RSRC1: variants seen among roughly 807,000 people sequenced by gnomAD.
The protein encoded by RSRC1 is serine/Arginine-related protein 53.
In RSRC1, 39 loss-of-function variants were observed where a neutral mutation model predicts 49.1. That is an observed-to-expected ratio of 0.79 (90% CI 0.61 to 1.04). The LOEUF (loss-of-function observed/expected upper bound fraction) is 1.04. RSRC1 is among the 50% of genes least tolerant of loss of function. RSRC1 has a pLI of 0.00. For synonymous variants in RSRC1, 143 were observed against 130.8 expected (o/e 1.09, Z -0.63); for missense variants, 388 against 402.4 (o/e 0.96, Z 0.31).
intron 4 of RSRC1, among the ~76,000 whole-genome samples, chr3:158,252,714 T>C (rs1158609921): frequency 1.3e-5 from 2 of 152,222 alleles, no homozygotes; most frequent in Non-Finnish European, 2.9e-5. Context: ...CATTGAGTCA[T>C]GGGCTTTTCT....
At chr3:158,175,128 T>C (rs1056229683) in intron 3 of RSRC1, among the ~76,000 whole-genome samples, 7 of 152,164 alleles carry the variant, frequency 4.6e-5, no homozygotes, top group African/African-American at 1.7e-4. Context: ...TTTTATGAAA[T>C]GCTTGTTTAG....
chr3:158,319,944 T>A (rs1728669715), intron 5 of RSRC1, among the ~76,000 whole-genome samples: 1 of 152,228 alleles, frequency 6.6e-6, no homozygotes, highest in Non-Finnish European at 1.5e-5. Context: ...GTTACAAGTT[T>A]ATAGTTTCAA....
intron 5 of RSRC1, 86 bp downstream of exon 5, chr3:158,298,161 T>G (rs763446948): frequency 3.0e-6 from 3 of 1,006,774 alleles, no homozygotes; most frequent in Non-Finnish European, 4.7e-6. Context: ...TTTGAATACT[T>G]TGTATTGAGA....
At chr3:158,168,039 A>C (rs1718642475) in intron 3 of RSRC1, among the ~76,000 whole-genome samples, 1 of 138,574 alleles carries the variant, frequency 7.2e-6, no homozygotes, top group Non-Finnish European at 1.5e-5. Flanking sequence ...TGGGTTTAGC[A>C]AAGTCAGATT....
intron 7 of RSRC1, among the ~76,000 whole-genome samples, chr3:158,480,572 C>T (rs1335266121): frequency 6.6e-6 from 1 of 151,818 alleles, no homozygotes; most frequent in Non-Finnish European, 1.5e-5. Context: ...ACATCATGGC[C>T]CGCATATCAG....
At chr3:158,470,816 G>A (rs974816740) in intron 7 of RSRC1, among the ~76,000 whole-genome samples, 1 of 151,866 alleles carries the variant, frequency 6.6e-6, no homozygotes, top group Non-Finnish European at 1.5e-5. Flanking sequence ...CATCTCCAAC[G>A]CCAAGAAAAA....
At chr3:158,148,646 G>A (rs751710577) in intron 3 of RSRC1, among the ~76,000 whole-genome samples, 4 of 151,964 alleles carry the variant, frequency 2.6e-5, no homozygotes, top group Non-Finnish European at 5.9e-5. Context: ...TAGCAACAAG[G>A]TGTTTGTGAG....
At chr3:158,360,377 C>T (rs1049271756) in intron 6 of RSRC1, among the ~76,000 whole-genome samples, 19 of 152,176 alleles carry the variant, frequency 1.2e-4, no homozygotes, top group Non-Finnish European at 1.5e-4. Context: ...GTCCCCACTC[C>T]GGTCCATAGG....
chr3:158,196,483 A>G (rs1461955300), intron 3 of RSRC1, among the ~76,000 whole-genome samples: 2 of 152,104 alleles, frequency 1.3e-5, no homozygotes, highest in Admixed American at 6.6e-5. Flanking sequence ...CTAATTGAAT[A>G]CCCTTTATTT....
At chr3:158,342,037 A>G (rs752081781) in intron 5 of RSRC1, among the ~76,000 whole-genome samples, 1 of 152,112 alleles carries the variant, frequency 6.6e-6, no homozygotes, top group African/African-American at 2.4e-5. Context: ...TATTTACCCA[A>G]TACCTGTACC....
chr3:158,271,267 T>C (rs1725502183), intron 4 of RSRC1, among the ~76,000 whole-genome samples: 2 of 152,140 alleles, frequency 1.3e-5, no homozygotes, highest in Admixed American at 1.3e-4. Flanking sequence ...GAGATTATGA[T>C]TTACATAGGC....
intron 9 of RSRC1, 107 bp downstream of exon 9, chr3:158,543,594 G>A (rs1297575863): frequency 2.7e-5 from 32 of 1,187,534 alleles, no homozygotes; most frequent in Non-Finnish European, 3.6e-5. Flanking sequence ...GGAGGAAACA[G>A]GTTCATATTC....
chr3:158,314,407 T>TC (rs1328639811), intron 5 of RSRC1, among the ~76,000 whole-genome samples: 22 of 150,784 alleles, frequency 1.5e-4, no homozygotes, highest in Admixed American at 6.6e-4. Context: ...AAAAATTCTT[T>TC]TTTTTTTTTT....
intron 5 of RSRC1, among the ~76,000 whole-genome samples, chr3:158,346,871 T>A (rs1410439778): frequency 1.3e-5 from 2 of 152,218 alleles, no homozygotes; most frequent in Non-Finnish European, 2.9e-5. Context: ...GAACATTTAT[T>A]GATAGTTGAA....
chr3:158,356,008 T>A (rs1731137666), intron 6 of RSRC1, among the ~76,000 whole-genome samples: 1 of 151,902 alleles, frequency 6.6e-6, no homozygotes, highest in Non-Finnish European at 1.5e-5. Context: ...GATAATAAAA[T>A]GGAACAATTA....
At chr3:158,161,499 C>T (rs1374105286) in intron 3 of RSRC1, among the ~76,000 whole-genome samples, 3 of 152,150 alleles carry the variant, frequency 2.0e-5, no homozygotes, top group Admixed American at 2.0e-4. Context: ...CTGTGGCTCA[C>T]GCCTGTAATC....
intron 7 of RSRC1, among the ~76,000 whole-genome samples, chr3:158,470,247 G>T (rs1159901716): frequency 1.3e-5 from 2 of 151,470 alleles, no homozygotes; most frequent in Admixed American, 1.3e-4. Context: ...TAGAGGTTTA[G>T]AGTGGGTATC....
intron 4 of RSRC1, among the ~76,000 whole-genome samples, chr3:158,231,426 A>G (rs1410597604): frequency 2.6e-5 from 4 of 151,964 alleles, no homozygotes; most frequent in Non-Finnish European, 5.9e-5. Context: ...GTGAGCTACC[A>G]TGCCCGACCA....
chr3:158,451,786 A>G (rs944229911), intron 6 of RSRC1, among the ~76,000 whole-genome samples: 11 of 152,216 alleles, frequency 7.2e-5, no homozygotes, highest in African/African-American at 2.2e-4. Context: ...ATTACATTAA[A>G]TAGAACCACT....
Sources: allele counts gnomAD v4.1 joint callset (sites outside exome capture counted in the v4.1 genomes callset), GRCh38; gene constraint gnomAD v4.1.1; transcripts MANE v1.5; gene names NCBI Gene and HGNC (gene_info 2026-07-23, HGNC 2026-07-21).